SPATA6: variants seen among roughly 807,000 people sequenced by gnomAD.
The protein encoded by SPATA6 is spermatogenesis associated 6.
A neutral mutation model predicts 65.3 loss-of-function variants in SPATA6; 56 were observed. The ratio of observed to expected loss-of-function variants is 0.86; its 90% CI spans 0.69 to 1.07. The LOEUF is 1.07. SPATA6 is among the 50% of genes least tolerant of loss of function. The pLI, the probability that SPATA6 is intolerant of heterozygous loss-of-function variation, is 0.00. For missense variants in SPATA6, 590 were observed against 594.8 expected (o/e 0.99, Z 0.08); for synonymous variants, 199 against 213.2 (o/e 0.93, Z 0.58).
intron 3 of SPATA6, among the ~76,000 whole-genome samples, chr1:48,418,944 T>C (rs1653065796): frequency 1.3e-5 from 2 of 151,800 alleles, no homozygotes; most frequent in South Asian, 2.1e-4. Flanking sequence ...AGAAATCAAA[T>C]GAGTTAAACA....
At chr1:48,404,038 T>C (rs1651442933) in intron 5 of SPATA6, among the ~76,000 whole-genome samples, 156 bp from the exon 6 acceptor site, 1 of 152,208 alleles carries the variant, frequency 6.6e-6, no homozygotes, top group Non-Finnish European at 1.5e-5. Context: ...CAACATAGTA[T>C]GGCTAAATGT....
intron 11 of SPATA6, among the ~76,000 whole-genome samples, chr1:48,339,567 G>T (rs1167046069): frequency 6.6e-6 from 1 of 151,724 alleles, no homozygotes; most frequent in African/African-American, 2.4e-5. Flanking sequence ...GGAAAAATTG[G>T]TATCTATAAA....
chr1:48,345,032 T>C (rs1191136065), intron 11 of SPATA6, among the ~76,000 whole-genome samples: 3 of 152,092 alleles, frequency 2.0e-5, no homozygotes, highest in African/African-American at 7.2e-5. Context: ...CTGACAGATA[T>C]CTACAGAACT....
chr1:48,342,529 T>C (rs1489833185), intron 11 of SPATA6, among the ~76,000 whole-genome samples: 1 of 149,706 alleles, frequency 6.7e-6, no homozygotes, highest in Non-Finnish European at 1.5e-5. Flanking sequence ...GGCAGGAGAA[T>C]GGCATGAACC....
chr1:48,369,264 G>T (rs551522038), intron 9 of SPATA6, among the ~76,000 whole-genome samples: 1 of 152,186 alleles, frequency 6.6e-6, no homozygotes, highest in African/African-American at 2.4e-5. Context: ...GAGGCAGTCT[G>T]CCAGTTCTCA....
At chr1:48,276,903 T>C in the SPATA6 span, among the ~76,000 whole-genome samples, 1 of 152,134 alleles carries the variant, frequency 6.6e-6, no homozygotes, top group Non-Finnish European at 1.5e-5. Context: ...TTGTGTCTCA[T>C]TGATCTAATA....
chr1:48,324,947 A>G (rs889503484), intron 11 of SPATA6: 9 of 168,054 alleles, frequency 5.4e-5, no homozygotes, highest in Non-Finnish European at 3.8e-5. Flanking sequence ...TTTGGAAAAA[A>G]CCTAAAGACC....
intron 11 of SPATA6, among the ~76,000 whole-genome samples, chr1:48,337,723 T>C (rs1433513106): frequency 1.3e-5 from 2 of 151,818 alleles, no homozygotes; most frequent in Admixed American, 6.6e-5. Context: ...AAAACAGAAT[T>C]GTAAAAGGTA....
chr1:48,469,288 TAC>T (rs1210453472), intron 1 of SPATA6, among the ~76,000 whole-genome samples: 1 of 152,198 alleles, frequency 6.6e-6, no homozygotes, highest in Non-Finnish European at 1.5e-5. Flanking sequence ...GGTCATGGGT[TAC>T]AGTTATTCAT....
At chr1:48,437,352 T>A in intron 3 of SPATA6, 2 of 1,493,806 alleles carry the variant, frequency 1.3e-6, no homozygotes, top group Non-Finnish European at 1.8e-6. Context: ...AATCTATTAT[T>A]TAAAACCACT....
chr1:48,280,924 A>G, the SPATA6 span, among the ~76,000 whole-genome samples: 6 of 152,276 alleles, frequency 3.9e-5, no homozygotes, highest in African/African-American at 1.2e-4. Context: ...CATTGATGCA[A>G]AAATCCTCAA....
intron 11 of SPATA6, among the ~76,000 whole-genome samples, chr1:48,311,960 C>A (rs1253307731): frequency 1.3e-5 from 2 of 152,188 alleles, no homozygotes; most frequent in African/African-American, 2.4e-5. Flanking sequence ...CCCACGGAGC[C>A]TCACTCATTG....
chr1:48,325,369 G>A (rs545978761), intron 11 of SPATA6: 90 of 1,374,266 alleles, frequency 6.5e-5, no homozygotes, highest in East Asian at 1.8e-4. Context: ...TTCTGCATGC[G>A]CCTTCTCCCT....
intron 3 of SPATA6, among the ~76,000 whole-genome samples, chr1:48,419,286 T>C (rs998623014): frequency 6.6e-6 from 1 of 152,228 alleles, no homozygotes; most frequent in Non-Finnish European, 1.5e-5. Flanking sequence ...CAGGTATTAC[T>C]GTCTTCAAAC....
Position 48,432,067 on chromosome 1 carries a change from A to G in SPATA6, c.239-18916T>C, listed in dbSNP as rs563508827. Among the ~76,000 whole-genome samples the G allele has an allele frequency of 1.8e-4, 27 of 152,274 alleles. No individual in the cohort carries two copies. In the East Asian group the frequency reaches 5.2e-3, roughly 29 times the overall value. ...AGAGGCTGCAGTGAGCTGAGAACACACCACTGCACTCCAGCCTGGGCAATA... is the reference window on the plus strand; with the variant it reads ...AGAGGCTGCAGTGAGCTGAGAACACGCCACTGCACTCCAGCCTGGGCAATA... On this transcript the variant is annotated intron_variant, in intron 3 of 12. Coordinates refer to ENST00000371847, the MANE Select transcript of SPATA6 (RefSeq NM_019073.4).
chr1:48,466,292 C>T (rs1657802349), intron 1 of SPATA6, among the ~76,000 whole-genome samples: 1 of 151,978 alleles, frequency 6.6e-6, no homozygotes, highest in Non-Finnish European at 1.5e-5. Context: ...ATGAACTAGA[C>T]CTGCAAGAAT....
At chr1:48,394,803 A>G (rs1236057626) in intron 8 of SPATA6, among the ~76,000 whole-genome samples, 1 of 152,034 alleles carries the variant, frequency 6.6e-6, no homozygotes, top group Non-Finnish European at 1.5e-5. Context: ...CCTTAATTAT[A>G]CAATACTATT....
chr1:48,263,979 C>A, the SPATA6 span, among the ~76,000 whole-genome samples: 1 of 152,090 alleles, frequency 6.6e-6, no homozygotes, highest in Admixed American at 6.6e-5. Flanking sequence ...AGGCACATAC[C>A]ACCATGCCCA....
At chr1:48,331,324 ATAATCACAG>A in intron 11 of SPATA6, among the ~76,000 whole-genome samples, 1 of 152,116 alleles carries the variant, frequency 6.6e-6, no homozygotes, top group East Asian at 1.9e-4. Context: ...AAGGAAGCTA[ATAATCACAG>A]TAATCACAGG....
Sources: allele counts gnomAD v4.1 joint callset (sites outside exome capture counted in the v4.1 genomes callset), GRCh38; gene constraint gnomAD v4.1.1; transcripts MANE v1.5; gene names NCBI Gene and HGNC (gene_info 2026-07-23, HGNC 2026-07-21).